The following TTLL1 variants were observed in gnomAD, a reference collection of about 807,000 sequenced individuals.
TTLL1 encodes polyglutamylase complex subunit TTLL1.
Under a neutral mutation model 47.8 loss-of-function variants are expected in TTLL1, and 33 were observed. That is an observed-to-expected ratio of 0.69 (90% confidence interval 0.52 to 0.92). The LOEUF (loss-of-function observed/expected upper bound fraction) is 0.92, where lower values mean the gene tolerates loss of function less well. TTLL1 is among the 40% of genes least tolerant of loss of function. The probability of loss-of-function intolerance (pLI) is 0.00; values close to 1 mark genes in which losing one functional copy is unlikely to be tolerated. For synonymous variants in TTLL1, 225 were observed against 214.1 expected, an observed-to-expected ratio of 1.05 and a Z score of -0.45; for missense variants, 488 against 547.5, an observed-to-expected ratio of 0.89 and a Z score of 1.08.
At position 43,068,439 on chromosome 22, in the gene TTLL1, T is replaced by C; in HGVS notation, c.474A>G (p.Lys158=). ...IFLINKLSQI[K]KWSRDSKTSS... ...ATGTCTTGCTGTCCCGGGACCACTT[T>C]TTGATCTGTGAGAGCTTGTTGATAA... is the stretch of plus-strand genomic sequence containing the variant. Residue 158 remains lysine (K), a synonymous_variant, in exon 5 of 11, where the codon AAA becomes AAG. Transcript: ENST00000266254. 6.5e-7 allele frequency: 1 copy of C among 1,547,104 alleles called. No individual in the cohort carries two copies. Among genetic ancestry groups the C allele is most frequent in the Non-Finnish European group, 8.8e-7 (1 of 1,132,412 alleles).
intron 1 of TTLL1, among the ~76,000 whole-genome samples, chr22:43,082,542 A>C (rs1315290270): frequency 6.7e-6 from 1 of 150,144 alleles, no homozygotes; most frequent in East Asian, 2.0e-4. Context: ...ATGGTGAAAT[A>C]CCGTCTCTAC....
chr22:43,059,881 G>T (rs969600965), intron 7 of TTLL1, among the ~76,000 whole-genome samples: 2 of 152,122 alleles, frequency 1.3e-5, no homozygotes, highest in African/African-American at 4.8e-5. Flanking sequence ...GTAGAGAAGA[G>T]GTCTCACTAT....
intron 9 of TTLL1, among the ~76,000 whole-genome samples, chr22:43,050,384 C>T (rs150918748): frequency 0.027 from 4,024 of 151,494 alleles, 114 homozygotes; most frequent in African/African-American, 0.066. Context: ...CCATTGTACT[C>T]CAGCCTCAGT....
At chr22:43,064,161 G>A (rs1054192854) in intron 6 of TTLL1, 29 bp downstream of exon 6, 2 of 1,600,616 alleles carry the variant, frequency 1.2e-6, no homozygotes, top group East Asian at 2.2e-5. Context: ...ACACAATCAA[G>A]AGGGAACCAA....
chr22:43,046,519 A>G lies in TTLL1; in HGVS notation c.1033T>C (p.Tyr345His). 6.2e-7 allele frequency: 1 copy of G among 1,614,108 alleles called. No homozygotes were observed. Among genetic ancestry groups the G allele is most frequent in the South Asian group, 1.1e-5 (1 of 91,064 alleles). ...SSTANDRILK[Y>H]NLINDTLNIA... ...TTGAGGGTGTCATTAATCAGGTTGTACTTGAGGATTCGGTCATTGGCAGTG... is the reference window on the plus strand; with the variant it reads ...TTGAGGGTGTCATTAATCAGGTTGTGCTTGAGGATTCGGTCATTGGCAGTG... Residue 345 changes from tyrosine to histidine, a missense_variant, in exon 10 of 11, where the codon TAC becomes CAC. Physicochemically the swap from Tyr to His is moderately conservative, Grantham distance 83. Coordinates refer to ENST00000266254, the MANE Select transcript of TTLL1 (RefSeq NM_012263.5).
chr22:43,067,091 G>A (rs1392305638), intron 5 of TTLL1, among the ~76,000 whole-genome samples: 2 of 152,232 alleles, frequency 1.3e-5, no homozygotes, highest in African/African-American at 4.8e-5. Context: ...AAAAGGATCA[G>A]ACAGAAGCTT....
At chr22:43,051,748 G>A in intron 9 of TTLL1, 53 bp downstream of exon 9, 1 of 1,562,174 alleles carries the variant, frequency 6.4e-7, no homozygotes, top group South Asian at 1.1e-5. Flanking sequence ...CGGGGCAGAA[G>A]TGTGTTGGGG....
chr22:43,069,937 C>T, intron 3 of TTLL1, 93 bp from the exon 4 acceptor site: 1 of 1,504,162 alleles, frequency 6.6e-7, no homozygotes, highest in East Asian at 2.4e-5. Context: ...GAACCCTCAG[C>T]ACCCTTCACC....
At chr22:43,042,939 T>C (rs1482399433) in intron 10 of TTLL1, among the ~76,000 whole-genome samples, 1 of 121,178 alleles carries the variant, frequency 8.3e-6, no homozygotes, top group Non-Finnish European at 1.6e-5. Flanking sequence ...CTGCTTTTTC[T>C]TTTTTTTTTT....
Position 43,039,868 on chromosome 22 carries a change from G to A in TTLL1, c.1180C>T (p.Arg394Trp), listed in dbSNP as rs767459232. 8.7e-6 allele frequency: 14 copies of A among 1,613,678 alleles called. No individual in the cohort carries two copies. The highest frequency in any genetic ancestry group is 3.3e-5 in the Admixed American group (2 of 59,972). ...TGACCCTGACGGCTTCTCAGCTCCC[G>A]GTCAGCCCCGTCACCCTGGGCCAAT... ...EELAQGDGADRELRSRQGQSL... is the reference protein window; with the variant it reads ...EELAQGDGADWELRSRQGQSL... The change falls in exon 11 of 11, where the codon CGG (arginine) becomes TGG (tryptophan). Residue 394 changes from arginine (R) to tryptophan (W), a missense_variant. Coordinates refer to ENST00000266254, the MANE Select transcript of TTLL1 (RefSeq NM_012263.5).
chr22:43,046,161 C>T (rs572182911), intron 10 of TTLL1, among the ~76,000 whole-genome samples: 1 of 152,254 alleles, frequency 6.6e-6, no homozygotes, highest in African/African-American at 2.4e-5. Flanking sequence ...GCGGAGGTTG[C>T]AGTGAGCCAA....
At chr22:43,088,079 C>A (rs1252620383) in intron 1 of TTLL1, among the ~76,000 whole-genome samples, 1 of 151,286 alleles carries the variant, frequency 6.6e-6, no homozygotes, top group Admixed American at 6.6e-5. Context: ...ACCCAGGAGG[C>A]AGAGGTTGCA....
chr22:43,084,138 A>G (rs1305558735), intron 1 of TTLL1, among the ~76,000 whole-genome samples: 1 of 152,128 alleles, frequency 6.6e-6, no homozygotes, highest in Non-Finnish European at 1.5e-5. Flanking sequence ...TGTCTTCTGA[A>G]AAAACTCTAA....
At chr22:43,058,630 C>T (rs997018402) in intron 8 of TTLL1, among the ~76,000 whole-genome samples, 3 of 152,238 alleles carry the variant, frequency 2.0e-5, no homozygotes, top group African/African-American at 7.2e-5. Flanking sequence ...CTTTCCCTTT[C>T]CGAAAAGACT....
intron 3 of TTLL1, among the ~76,000 whole-genome samples, chr22:43,073,037 G>C (rs1250897798): frequency 6.7e-6 from 1 of 148,186 alleles, no homozygotes; most frequent in African/African-American, 2.5e-5. Flanking sequence ...TTTTTTTTGA[G>C]ACAGTCTTGC....
chr22:43,067,389 C>T (rs1440931688), intron 5 of TTLL1, among the ~76,000 whole-genome samples: 3 of 152,344 alleles, frequency 2.0e-5, no homozygotes, highest in Non-Finnish European at 4.4e-5. Flanking sequence ...TCAGCCACTT[C>T]GTGTGAGACT....
chr22:43,073,364 T>TTTATTTATTTTA (rs1555964073), intron 3 of TTLL1, among the ~76,000 whole-genome samples: 38 of 133,424 alleles, frequency 2.8e-4, no homozygotes, highest in East Asian at 1.0e-3. Context: ...TATTTATTTA[T>TTTATTTATTTTA]TTTATTTTTT....
intron 3 of TTLL1, among the ~76,000 whole-genome samples, chr22:43,072,628 T>C (rs978174310): frequency 1.3e-5 from 2 of 151,812 alleles, no homozygotes; most frequent in African/African-American, 4.8e-5. Flanking sequence ...CGAACCACTA[T>C]GCCTGGATAA....
intron 9 of TTLL1, among the ~76,000 whole-genome samples, chr22:43,049,108 G>A (rs1345704388): frequency 2.6e-5 from 4 of 151,204 alleles, no homozygotes; most frequent in Non-Finnish European, 4.4e-5. Flanking sequence ...GTAACAAACC[G>A]GCATATGTGC....
Sources: gnomAD v4.1 joint callset for allele counts (sites outside exome capture counted in the v4.1 genomes callset) on GRCh38, gnomAD v4.1.1 for gene constraint, MANE v1.5 for transcripts, NCBI Gene and HGNC (gene_info 2026-07-23, HGNC 2026-07-21) for gene names.